The following PTPRD variants were observed in gnomAD, a reference collection of about 807,000 sequenced individuals.
PTPRD encodes protein tyrosine phosphatase receptor type D.
PTPRD carries 34 observed loss-of-function variants against 214.5 expected under a neutral mutation model. The ratio of observed to expected loss-of-function variants is 0.16; its 90% CI spans 0.12 to 0.21. The LOEUF is 0.21. Ranked by LOEUF, PTPRD falls within the 10% of genes least tolerant of loss-of-function variation. The probability of loss-of-function intolerance (pLI) is 1.00; values close to 1 mark genes in which losing one functional copy is unlikely to be tolerated. For missense variants in PTPRD, 2,545 were observed against 2,398.7 expected, an observed-to-expected ratio of 1.06 and a Z score of -1.27; for synonymous variants, 1,128 against 845.7, an observed-to-expected ratio of 1.33 and a Z score of -5.79.
intron 7 of PTPRD, among the ~76,000 whole-genome samples, chr9:9,643,155 G>C (rs1158305108): frequency 6.6e-6 from 1 of 152,150 alleles, no homozygotes; most frequent in African/African-American, 2.4e-5. Context: ...AGGGAATCTT[G>C]AGGCAGGTAT....
rs112909895 is a variant in PTPRD at position 10,501,238 on chromosome 9, T to C, written c.-600+111160A>G. 9.6e-3 allele frequency among the ~76,000 whole-genome samples: 1,465 copies of C among 152,132 alleles called. 27 individuals carry two copies. Among genetic ancestry groups the C allele is most frequent in the African/African-American group, 0.034 (1,401 of 41,548 alleles). On this transcript the variant is annotated intron_variant, in intron 2 of 45. Coordinates refer to ENST00000381196, the MANE Select transcript of PTPRD (RefSeq NM_002839.4). The stretch of plus-strand genomic sequence containing the variant: ...TCTTTGGGATAAAAGCCATTTTAAC[T>C]GGGGTGAGATGATATCTCATTGTAG...
chr9:9,610,149 G>C (rs1379901058), intron 7 of PTPRD, among the ~76,000 whole-genome samples: 1 of 151,980 alleles, frequency 6.6e-6, no homozygotes, highest in Non-Finnish European at 1.5e-5. Flanking sequence ...AATACGTTAG[G>C]AATCTTTCGA....
At chr9:8,940,443 C>T in intron 11 of PTPRD, among the ~76,000 whole-genome samples, 1 of 50,214 alleles carries the variant, frequency 2.0e-5, no homozygotes, top group African/African-American at 7.1e-5. Context: ...TCACCACTCC[C>T]AGCTTTTTTT....
chr9:9,232,287 C>A (rs1034062441), intron 9 of PTPRD, among the ~76,000 whole-genome samples: 3 of 152,142 alleles, frequency 2.0e-5, no homozygotes, highest in African/African-American at 7.2e-5. Context: ...TGTCCCTGCA[C>A]TACATTATTA....
rs1257955247 is a variant in PTPRD, at chr9:9,740,033, C to G, written c.-325-5462G>C. ...ACACAAAGCACTTACTCTATGTAAT[C>G]TCAATCCTCTGAATGTATTGAAACT... On this transcript the variant is annotated intron_variant, in intron 6 of 45. Coordinates refer to ENST00000381196, the MANE Select transcript of PTPRD (RefSeq NM_002839.4). Among the ~76,000 whole-genome samples the G allele has an allele frequency of 3.3e-5, 5 of 152,290 alleles. No individual in the cohort carries two copies. In the East Asian group the frequency reaches 7.7e-4, roughly 24 times the overall value.
intron 5 of PTPRD, among the ~76,000 whole-genome samples, chr9:9,843,664 C>T (rs1007307069): frequency 3.3e-5 from 5 of 151,604 alleles, no homozygotes; most frequent in African/African-American, 9.7e-5. Context: ...GAATATTTCT[C>T]GATCTTTGAA....
chr9:10,280,583 G>C (rs377249343), intron 3 of PTPRD, among the ~76,000 whole-genome samples: 6 of 152,068 alleles, frequency 3.9e-5, no homozygotes, highest in African/African-American at 1.4e-4. Context: ...CTCTGATTCA[G>C]TAAGTCTAGG....
At chr9:9,082,519 C>G (rs1458049287) in intron 10 of PTPRD, among the ~76,000 whole-genome samples, 1 of 152,006 alleles carries the variant, frequency 6.6e-6, no homozygotes, top group Non-Finnish European at 1.5e-5. Context: ...TCTCACCACT[C>G]CTATTCAACC....
intron 9 of PTPRD, among the ~76,000 whole-genome samples, chr9:9,232,780 G>C (rs1032351212): frequency 6.6e-6 from 1 of 152,056 alleles, no homozygotes; most frequent in East Asian, 1.9e-4. Context: ...AAGGACATTG[G>C]AAAGCCTCAG....
chr9:10,184,010 G>T (rs16931245), intron 3 of PTPRD, among the ~76,000 whole-genome samples: 28,577 of 152,098 alleles, frequency 0.19, 3,045 homozygotes, highest in South Asian at 0.31. Context: ...CTGGTCACAT[G>T]CACGTATACA....
At chr9:8,540,888 A>C (rs370939389) in intron 14 of PTPRD, among the ~76,000 whole-genome samples, 15 of 152,210 alleles carry the variant, frequency 9.9e-5, no homozygotes, top group African/African-American at 3.6e-4. Flanking sequence ...ACATTCAGTA[A>C]CAGTTTTTAT....
intron 7 of PTPRD, among the ~76,000 whole-genome samples, chr9:9,663,685 G>C (rs2096661472): frequency 2.0e-5 from 3 of 151,520 alleles, no homozygotes. Flanking sequence ...ACCTGAATTT[G>C]ATCTTTATTT....
At chr9:10,150,831 T>C (rs537332548) in intron 3 of PTPRD, among the ~76,000 whole-genome samples, 3 of 152,044 alleles carry the variant, frequency 2.0e-5, no homozygotes, top group Non-Finnish European at 4.4e-5. Flanking sequence ...AGATAACTTG[T>C]TTAAAAGAAC....
At chr9:8,852,834 TG>T (rs2097846323) in intron 11 of PTPRD, among the ~76,000 whole-genome samples, 1 of 152,188 alleles carries the variant, frequency 6.6e-6, no homozygotes, top group Non-Finnish European at 1.5e-5. Context: ...AGTATTAATA[TG>T]GTCCTGTTAA....
At chr9:10,214,431 T>A (rs2099531632) in intron 3 of PTPRD, among the ~76,000 whole-genome samples, 1 of 22,864 alleles carries the variant, frequency 4.4e-5, no homozygotes, top group Admixed American at 6.1e-4. Context: ...GCCCAACTAT[T>A]TTTTTTTTTT....
intron 4 of PTPRD, among the ~76,000 whole-genome samples, chr9:10,016,473 C>T (rs1460504751): frequency 6.6e-6 from 1 of 151,902 alleles, no homozygotes; most frequent in Non-Finnish European, 1.5e-5. Flanking sequence ...TGTAAATCAT[C>T]AAAGAAAGCT....
At chr9:9,686,922 C>A (rs183142059) in intron 7 of PTPRD, among the ~76,000 whole-genome samples, 53 of 151,818 alleles carry the variant, frequency 3.5e-4, no homozygotes, top group African/African-American at 1.1e-3. Flanking sequence ...TGGCCTGTTG[C>A]TTGGTGCTAC....
intron 14 of PTPRD, 80 bp downstream of exon 14, chr9:8,633,237 C>T (rs2154319828): frequency 6.6e-7 from 1 of 1,508,360 alleles, no homozygotes; most frequent in South Asian, 1.3e-5. Context: ...CATCACAATG[C>T]TAGTCTTTTC....
Position 9,797,805 on chromosome 9 carries a change from G to T in PTPRD, c.-367-30954C>A, listed in dbSNP as rs535523435. 3.3e-5 allele frequency among the ~76,000 whole-genome samples: 5 copies of T among 152,168 alleles called. No homozygotes were observed. In the South Asian group the frequency reaches 1.0e-3, roughly 32 times the overall value. ...GGAGGTTGTAGTAAGCTGAGATCGC[G>T]CCATCGCACACCAGCCTGGCGGACA... On this transcript the variant is annotated intron_variant, in intron 5 of 45. Coordinates refer to ENST00000381196, the MANE Select transcript of PTPRD (RefSeq NM_002839.4).
Sources: gnomAD v4.1 joint callset for allele counts (sites outside exome capture counted in the v4.1 genomes callset) on GRCh38, gnomAD v4.1.1 for gene constraint, MANE v1.5 for transcripts, NCBI Gene and HGNC (gene_info 2026-07-23, HGNC 2026-07-21) for gene names.